Variants in TMTC2 observed in about 807,000 individuals in gnomAD.
TMTC2 encodes the protein transmembrane O-mannosyltransferase targeting cadherins 2.
A neutral mutation model predicts 82.4 loss-of-function variants in TMTC2; 43 were observed. That is an observed-to-expected ratio of 0.52 (90% confidence interval 0.41 to 0.67). The LOEUF (loss-of-function observed/expected upper bound fraction) is 0.67. Among genes scored for constraint, TMTC2 ranks in the 30% least tolerant of loss-of-function variants. The pLI is 0.00. For missense variants in TMTC2, 919 were observed against 1,012.4 expected, an observed-to-expected ratio of 0.91 and a Z score of 1.25; for synonymous variants, 408 against 381.9, an observed-to-expected ratio of 1.07 and a Z score of -0.80.
intron 3 of TMTC2, among the ~76,000 whole-genome samples, chr12:82,906,964 G>GA (rs1019123249): frequency 1.3e-5 from 2 of 151,980 alleles, no homozygotes; most frequent in African/African-American, 2.4e-5. Context: ...CTATTGAGTA[G>GA]AAAAAAATAG....
chr12:82,985,989 A>T lies in TMTC2; in HGVS notation c.2013A>T (p.Arg671Ser), dbSNP rs1307289056. Residue 671 changes from arginine to serine, a missense_variant, in exon 8 of 12, where the codon AGA becomes AGT. Arg to Ser is a moderately radical substitution (Grantham distance 110). Coordinates refer to ENST00000321196, the MANE Select transcript of TMTC2 (RefSeq NM_152588.3). ...EAEHWYMESL[R>S]SKTDHIPAHL... The stretch of plus-strand genomic sequence containing the variant: ...AGCATTGGTATATGGAATCACTGAG[A>T]TCCAAGACTGACCACATCCCTGCTC... 1 of 1,614,054 alleles carries T rather than the reference A, an allele frequency of 6.2e-7. No homozygotes were observed. Among genetic ancestry groups the T allele is most frequent in the South Asian group, 1.1e-5 (1 of 91,082 alleles).
intron 8 of TMTC2, among the ~76,000 whole-genome samples, chr12:83,019,165 A>C (rs1592697520): frequency 6.6e-6 from 1 of 152,180 alleles, no homozygotes; most frequent in East Asian, 1.9e-4. Context: ...AACTAAAAAA[A>C]AAAAACATAC....
chr12:83,039,795 T>G (rs1182191849), intron 9 of TMTC2, among the ~76,000 whole-genome samples: 1 of 152,228 alleles, frequency 6.6e-6, no homozygotes, highest in African/African-American at 2.4e-5. Flanking sequence ...ATGTCATTTC[T>G]CACCCACAAA....
chr12:82,742,044 A>G (rs1360071573), intron 1 of TMTC2, among the ~76,000 whole-genome samples: 1 of 152,092 alleles, frequency 6.6e-6, no homozygotes, highest in Non-Finnish European at 1.5e-5. Flanking sequence ...CCCCTACTGG[A>G]GCCCATAAAA....
intron 2 of TMTC2, among the ~76,000 whole-genome samples, chr12:82,890,347 A>G (rs74106169): frequency 0.022 from 3,383 of 152,170 alleles, 123 homozygotes; most frequent in African/African-American, 0.077. Context: ...TGCATGTTGC[A>G]GCAATACTTG....
chr12:82,926,013 C>G (rs1417502580), intron 3 of TMTC2, among the ~76,000 whole-genome samples: 1 of 147,054 alleles, frequency 6.8e-6, no homozygotes, highest in Non-Finnish European at 1.5e-5. Context: ...GACAGAGTCT[C>G]ACTCTGTCGC....
intron 2 of TMTC2, among the ~76,000 whole-genome samples, chr12:82,881,310 T>C (rs1421912305): frequency 6.6e-6 from 1 of 152,220 alleles, no homozygotes; most frequent in African/African-American, 2.4e-5. Context: ...TGAGTACTTT[T>C]CTGTTTCAAA....
intron 1 of TMTC2, among the ~76,000 whole-genome samples, chr12:82,740,476 T>A (rs1017391777): frequency 1.1e-4 from 17 of 152,170 alleles, no homozygotes; most frequent in African/African-American, 3.9e-4. Context: ...GTAAGAATGG[T>A]GTGAAGGATC....
chr12:83,051,000 A>G lies in TMTC2; in HGVS notation c.2249A>G (p.Asn750Ser), dbSNP rs772509287. 36 of 1,610,400 alleles carry G rather than the reference A, an allele frequency of 2.2e-5. No individual in the cohort carries two copies. Among genetic ancestry groups the G allele is most frequent in the Non-Finnish European group, 2.7e-5 (32 of 1,178,004 alleles). Reference protein sequence around the residue: ...LDSTEFDVVFNAAHMLRQASL... With the variant: ...LDSTEFDVVFSAAHMLRQASL... ...AGCACAGAGTTTGATGTTGTCTTCAATGCTGCCCACATGCTCAGGTTAGTT... is the reference window on the plus strand; with the variant it reads ...AGCACAGAGTTTGATGTTGTCTTCAGTGCTGCCCACATGCTCAGGTTAGTT... The change falls in exon 10 of 12, where the codon AAT (asparagine) becomes AGT (serine). Residue 750 changes from asparagine to serine, a missense_variant. By Grantham distance (46) the Asn-to-Ser change is conservative (BLOSUM62 1). Coordinates refer to ENST00000321196, the MANE Select transcript of TMTC2 (RefSeq NM_152588.3).
intron 11 of TMTC2, among the ~76,000 whole-genome samples, chr12:83,095,802 G>A (rs1246023948): frequency 3.9e-5 from 6 of 151,970 alleles, no homozygotes; most frequent in African/African-American, 1.5e-4. Context: ...CCTGTAATTA[G>A]GTTAAATATG....
At chr12:83,036,478 CTTTT>C (rs1332894300) in intron 9 of TMTC2, among the ~76,000 whole-genome samples, 5 of 103,194 alleles carry the variant, frequency 4.8e-5, no homozygotes, top group Admixed American at 9.6e-5. Flanking sequence ...GTCCCCGAGT[CTTTT>C]TTTTTTTTTT....
intron 2 of TMTC2, among the ~76,000 whole-genome samples, chr12:82,884,483 T>A (rs1241298077): frequency 1.3e-5 from 2 of 152,236 alleles, no homozygotes; most frequent in Non-Finnish European, 2.9e-5. Flanking sequence ...AGGCACTTAA[T>A]GTTGGTCTTA....
chr12:82,781,050 A>T (rs1033301716), intron 1 of TMTC2, among the ~76,000 whole-genome samples: 4 of 151,926 alleles, frequency 2.6e-5, no homozygotes, highest in South Asian at 2.1e-4. Flanking sequence ...AGTTTTAGAT[A>T]TTTTTTTACC....
At chr12:83,063,019 C>CATCAGGT (rs1882797311) in intron 11 of TMTC2, among the ~76,000 whole-genome samples, 1 of 151,924 alleles carries the variant, frequency 6.6e-6, no homozygotes, top group African/African-American at 2.4e-5. Flanking sequence ...GAAAAGCATA[C>CATCAGGT]AAATGTATTT....
At chr12:83,049,085 T>C (rs1043786441) in intron 9 of TMTC2, among the ~76,000 whole-genome samples, 4 of 152,260 alleles carry the variant, frequency 2.6e-5, no homozygotes, top group African/African-American at 9.6e-5. Context: ...AATAATGGGC[T>C]CTTTGGCCAC....
intron 11 of TMTC2, among the ~76,000 whole-genome samples, chr12:83,116,551 C>G (rs1251298460): frequency 2.0e-5 from 3 of 152,168 alleles, no homozygotes; most frequent in Admixed American, 6.5e-5. Flanking sequence ...TACATTGTCA[C>G]CAGCAGTGTA....
intron 1 of TMTC2, among the ~76,000 whole-genome samples, chr12:82,719,013 G>A (rs11610988): frequency 0.1 from 14,765 of 143,478 alleles, 906 homozygotes; most frequent in East Asian, 0.24. Context: ...AGAAAACTGG[G>A]TGCTAGTATA....
At chr12:82,949,833 A>T (rs1877250179) in intron 4 of TMTC2, among the ~76,000 whole-genome samples, 1 of 152,174 alleles carries the variant, frequency 6.6e-6, no homozygotes, top group Non-Finnish European at 1.5e-5. Flanking sequence ...GTCCATGAAG[A>T]GGAGTGAGTC....
intron 1 of TMTC2, among the ~76,000 whole-genome samples, chr12:82,794,540 T>C (rs1878626582): frequency 6.6e-6 from 1 of 152,124 alleles, no homozygotes; most frequent in Non-Finnish European, 1.5e-5. Context: ...TTTAACAGCA[T>C]CTATGGTTCT....
Sources: gnomAD v4.1 joint callset for allele counts (sites outside exome capture counted in the v4.1 genomes callset) on GRCh38, gnomAD v4.1.1 for gene constraint, MANE v1.5 for transcripts, NCBI Gene and HGNC (gene_info 2026-07-23, HGNC 2026-07-21) for gene names.